C16orf89: variants seen among roughly 807,000 people sequenced by gnomAD.
C16orf89 encodes UPF0764 protein C16orf89.
Under a neutral mutation model 41.5 loss-of-function variants are expected in C16orf89, and 57 were observed. That is an observed-to-expected ratio of 1.38 (90% CI 1.11 to 1.71). The LOEUF is 1.71. C16orf89 is among the 40% of genes most tolerant of loss of function. The pLI, the probability that C16orf89 is intolerant of heterozygous loss-of-function variation, is 0.00. For missense variants in C16orf89, 575 were observed against 445.9 expected, an observed-to-expected ratio of 1.29 and a Z score of -2.61; for synonymous variants, 223 against 190.6, an observed-to-expected ratio of 1.17 and a Z score of -1.40.
chr16:5,054,075 G>C (rs1271824755), intron 6 of C16orf89, among the ~76,000 whole-genome samples: 1 of 152,170 alleles, frequency 6.6e-6, no homozygotes, highest in Non-Finnish European at 1.5e-5. Flanking sequence ...GGAGGCCTAA[G>C]AATCTTCATC....
chr16:5,055,792 C>T (rs890962743), intron 5 of C16orf89: 15 of 1,462,198 alleles, frequency 1.0e-5, no homozygotes, highest in East Asian at 4.9e-5. Context: ...TTTGAGTTTT[C>T]GATAAACAAT....
At chr16:5,064,914 C>T (rs1956704006) in intron 1 of C16orf89, among the ~76,000 whole-genome samples, 3 of 152,146 alleles carry the variant, frequency 2.0e-5, no homozygotes, top group African/African-American at 4.8e-5. Flanking sequence ...TCAGGGATGA[C>T]GGGGAGAGGG....
chr16:5,060,169 G>C, intron 3 of C16orf89, 117 bp downstream of exon 3: 1 of 1,285,242 alleles, frequency 7.8e-7, no homozygotes, highest in Non-Finnish European at 1.1e-6. Flanking sequence ...AGCTGCACCT[G>C]TGTCTGCACA....
intron 2 of C16orf89, among the ~76,000 whole-genome samples, chr16:5,060,975 G>A (rs1373237599): frequency 7.3e-6 from 1 of 136,204 alleles, no homozygotes; most frequent in Admixed American, 7.9e-5. Flanking sequence ...TTTTTAAGAG[G>A]CAGGGCCAAG....
Position 5,059,237 on chromosome 16 carries a change from C to T in C16orf89, c.510-627G>A, listed in dbSNP as rs113257683. On this transcript the variant is annotated intron_variant, in intron 3 of 7. Coordinates refer to ENST00000472572, the MANE Select transcript of C16orf89 (RefSeq NM_001098514.3). ...CTGCACTCCAGCCTGGGAGACAGAG[C>T]GAGACTCCATCTCAAAATAAATAAA... is the stretch of plus-strand genomic sequence containing the variant. 9.2e-3 allele frequency among the ~76,000 whole-genome samples: 1,373 copies of T among 148,674 alleles called. 25 individuals carry two copies. The highest frequency in any genetic ancestry group is 0.04 in the East Asian group (202 of 5,002).
chr16:5,054,111 A>T (rs1170167781), intron 6 of C16orf89, among the ~76,000 whole-genome samples: 1 of 152,194 alleles, frequency 6.6e-6, no homozygotes, highest in African/African-American at 2.4e-5. Context: ...AAAACGCACC[A>T]TCTTATTTCA....
chr16:5,059,089 A>T (rs991928380), intron 3 of C16orf89, among the ~76,000 whole-genome samples: 4 of 151,668 alleles, frequency 2.6e-5, no homozygotes, highest in Non-Finnish European at 5.9e-5. Context: ...AAAATACAAA[A>T]ATTAGCTGGG....
chr16:5,058,710 C>A lies in C16orf89; in HGVS notation c.510-100G>T, dbSNP rs1487681562. On this transcript the variant is annotated intron_variant, in intron 3 of 7. Coordinates refer to ENST00000472572, the MANE Select transcript of C16orf89 (RefSeq NM_001098514.3). ...TAGTTGTTGGAACTCCCAGTAGATT[C>A]CAGACACCCAGCTGGGCATGGGGGT... 10 of 915,654 alleles carry A rather than the reference C, an allele frequency of 1.1e-5. 1 individual carries two copies. The East Asian group carries it at 2.6e-4, about 24-fold the overall frequency. 56.7% of individuals were successfully genotyped at this position (915,654 alleles called of 1,614,324 possible). A position where few individuals can be genotyped will look rare whatever the true frequency, so the allele number is the denominator to read the frequency against.
chr16:5,052,567 G>A (rs754305542), intron 6 of C16orf89, among the ~76,000 whole-genome samples: 1 of 151,650 alleles, frequency 6.6e-6, no homozygotes, highest in Non-Finnish European at 1.5e-5. Context: ...CTCCAGCCTG[G>A]GTGACAGAGT....
chr16:5,055,640 C>A, intron 5 of C16orf89: 1 of 1,492,346 alleles, frequency 6.7e-7, no homozygotes, highest in Non-Finnish European at 9.0e-7. Context: ...CCAAGCGCTC[C>A]CTGTCTGCCT....
intron 3 of C16orf89, among the ~76,000 whole-genome samples, chr16:5,059,284 T>G (rs577068226): frequency 6.8e-6 from 1 of 146,960 alleles, no homozygotes; most frequent in Admixed American, 6.8e-5. Context: ...TAAAATAAAG[T>G]AAAAATAAAA....
rs549127208 is a variant in C16orf89, at chr16:5,065,836, C to T, written c.73G>A (p.Gly25Arg). The T allele has an allele frequency of 1.2e-6, 2 of 1,614,216 alleles. No individual in the cohort carries two copies. The highest frequency in any genetic ancestry group is 1.3e-5 in the African/African-American group (1 of 75,058). ...GCTTTACTTTCAGCAGTGTCCAGCCCAGGCAGTGAGGAGGACCACAGCGGT... is the reference window on the plus strand; with the variant it reads ...GCTTTACTTTCAGCAGTGTCCAGCCTAGGCAGTGAGGAGGACCACAGCGGT... ...LPPLWSSSLP[G>R]LDTAESKATI... is the part of the protein sequence containing the mutation. Residue 25 changes from glycine (G) to arginine (R), a missense_variant, in exon 1 of 8, where the codon GGG becomes AGG. Physicochemically the swap from Gly to Arg is moderately radical, Grantham distance 125. Coordinates refer to ENST00000472572, the MANE Select transcript of C16orf89 (RefSeq NM_001098514.3).
intron 6 of C16orf89, among the ~76,000 whole-genome samples, chr16:5,052,259 T>C (rs1187295123): frequency 6.6e-6 from 1 of 152,082 alleles, no homozygotes; most frequent in Non-Finnish European, 1.5e-5. Flanking sequence ...CACAATGAGA[T>C]AGCATCTCAC....
chr16:5,044,678 C>T (rs1288886548), intron 7 of C16orf89, 200 bp from the exon 8 acceptor site: 11 of 1,148,502 alleles, frequency 9.6e-6, no homozygotes, highest in African/African-American at 1.6e-5. Flanking sequence ...CCTGTCTCTA[C>T]TAAAAAAATA....
At chr16:5,054,598 G>A (rs924929755) in intron 6 of C16orf89, among the ~76,000 whole-genome samples, 1 of 152,166 alleles carries the variant, frequency 6.6e-6, no homozygotes, top group Admixed American at 6.5e-5. Flanking sequence ...TGGTACATTA[G>A]TGGGTGCTCA....
At chr16:5,058,775 A>T (rs1176916423) in intron 3 of C16orf89, among the ~76,000 whole-genome samples, 165 bp from the exon 4 acceptor site, 2 of 152,078 alleles carry the variant, frequency 1.3e-5, no homozygotes, top group Non-Finnish European at 2.9e-5. Context: ...TTGATTTGCT[A>T]AATCTGGCTG....
rs1230521702 is a variant in C16orf89 at position 5,062,902 on chromosome 16, A to G, written c.209-328T>C. The stretch of plus-strand genomic sequence containing the variant: ...ATACTTTCTTGTTGGATGGCCAGAG[A>G]AAGGTTGCAGGGTAGAGAACCACTG... On this transcript the variant is annotated intron_variant, in intron 1 of 7. Coordinates refer to ENST00000472572, the MANE Select transcript of C16orf89 (RefSeq NM_001098514.3). Among the ~76,000 whole-genome samples, 7 of 152,194 alleles carry G rather than the reference A, an allele frequency of 4.6e-5. 1 individual carries two copies. In the South Asian group the frequency reaches 1.2e-3, roughly 27 times the overall value.
intron 2 of C16orf89, among the ~76,000 whole-genome samples, chr16:5,061,631 A>G (rs1420840705): frequency 6.6e-6 from 1 of 151,866 alleles, no homozygotes; most frequent in Admixed American, 6.6e-5. Flanking sequence ...TATCTTTAAG[A>G]TGACATAGGT....
chr16:5,058,687 G>A, intron 3 of C16orf89, 77 bp from the exon 4 acceptor site: 2 of 1,242,088 alleles, frequency 1.6e-6, no homozygotes, highest in Non-Finnish European at 2.2e-6. Context: ...CCTAGTTGTA[G>A]TTGTTGGAAC....
Sources: allele counts gnomAD v4.1 joint callset (sites outside exome capture counted in the v4.1 genomes callset), GRCh38; gene constraint gnomAD v4.1.1; transcripts MANE v1.5; gene names NCBI Gene and HGNC (gene_info 2026-07-23, HGNC 2026-07-21).